The following DNAAF5 variants were observed in gnomAD, a reference collection of about 807,000 sequenced individuals.
DNAAF5 encodes the protein HEAT repeat containing 2.
Under a neutral mutation model 75.8 loss-of-function variants are expected in DNAAF5, and 64 were observed. That is an observed-to-expected ratio of 0.84 (90% CI 0.69 to 1.04). DNAAF5 has a LOEUF of 1.04. Among genes scored for constraint, DNAAF5 ranks in the 50% least tolerant of loss-of-function variants. The pLI is 0.00. For synonymous variants in DNAAF5, 657 were observed against 557.2 expected, an observed-to-expected ratio of 1.18 and a Z score of -2.52; for missense variants, 1,269 against 1,178.5, an observed-to-expected ratio of 1.08 and a Z score of -1.12.
chr7:762,072 C>G (rs1398502978), intron 7 of DNAAF5, among the ~76,000 whole-genome samples, 176 bp downstream of exon 7: 1 of 152,172 alleles, frequency 6.6e-6, no homozygotes, highest in Non-Finnish European at 1.5e-5. Context: ...AGCTCTCCAG[C>G]TGCCAGTGTA....
rs140781084 is a variant in DNAAF5 at position 759,082 on chromosome 7, C to A, written c.1470+2088C>A. 3.5e-3 allele frequency among the ~76,000 whole-genome samples: 520 copies of A among 149,484 alleles called. 6 individuals carry two copies. The highest frequency in any genetic ancestry group is 0.012 in the African/African-American group (482 of 39,824). ...CCCGTGGTTCTGTGCTCTTCCCACGCCCCTGTGCTCTTCCCGCGGCCGGCC... is the reference window on the plus strand; with the variant it reads ...CCCGTGGTTCTGTGCTCTTCCCACGACCCTGTGCTCTTCCCGCGGCCGGCC... On this transcript the variant is annotated intron_variant, in intron 6 of 12. Transcript: ENST00000297440.
chr7:775,205 G>C (rs779087135), intron 11 of DNAAF5, 43 bp downstream of exon 11: 1 of 1,585,736 alleles, frequency 6.3e-7, no homozygotes, highest in Non-Finnish European at 8.7e-7. Context: ...TATGCAGTCA[G>C]CCCTCCGTGT....
intron 4 of DNAAF5, among the ~76,000 whole-genome samples, chr7:743,565 C>CAT (rs1273640614): frequency 2.0e-5 from 3 of 151,620 alleles, no homozygotes; most frequent in African/African-American, 7.3e-5. Flanking sequence ...GGAAAGCACA[C>CAT]ATGTTTGGAA....
chr7:783,147 C>T (rs980555574), intron 12 of DNAAF5, among the ~76,000 whole-genome samples: 2 of 152,264 alleles, frequency 1.3e-5, no homozygotes, highest in Admixed American at 6.5e-5. Flanking sequence ...TTCACTTTCA[C>T]GCCGTGCTCT....
intron 2 of DNAAF5, among the ~76,000 whole-genome samples, chr7:740,568 C>T (rs982530786): frequency 1.3e-5 from 2 of 152,244 alleles, no homozygotes; most frequent in Non-Finnish European, 2.9e-5. Context: ...TGCAGGACAG[C>T]AGCATTCCTC....
intron 4 of DNAAF5, among the ~76,000 whole-genome samples, chr7:749,988 G>A (rs965308805): frequency 4.6e-5 from 7 of 152,102 alleles, no homozygotes; most frequent in Non-Finnish European, 7.3e-5. Context: ...TGTGAGCCAC[G>A]GTGCCCAGCC....
At position 754,971 on chromosome 7, in the gene DNAAF5, G is replaced by A. The variant is rs1271932586; in HGVS notation, c.1257+150G>A. 3 of 613,244 alleles carry A rather than the reference G, an allele frequency of 4.9e-6. No homozygotes were observed. The highest frequency in any genetic ancestry group is 3.0e-5 in the Admixed American group (1 of 33,510). The allele number at this position is 613,244 out of a possible 1,614,324, so 38.0% of individuals were successfully genotyped here. On this transcript the variant is annotated intron_variant, in intron 5 of 12. Coordinates refer to ENST00000297440, the MANE Select transcript of DNAAF5 (RefSeq NM_017802.4). This position sits in a 1 kb window ranked among gnomAD's most constrained non-coding sequence, Gnocchi z 4.8. ...CAGGCCCTCCCCACACCCAGCCCCT[G>A]GGAACAACTGATCTCCTTTCTGTGC...
Position 781,320 on chromosome 7 carries a change from T to G in DNAAF5, c.2431+1176T>G, listed in dbSNP as rs575689275. Among the ~76,000 whole-genome samples, 4 of 152,236 alleles carry G rather than the reference T, an allele frequency of 2.6e-5. No homozygotes were observed. The South Asian group carries it at 8.3e-4, about 31-fold the overall frequency. ...ACTTATTTCACTTAACATAGCGACC[T>G]CCACTTCCCTCCATGTTGATCCAAT... On this transcript the variant is annotated intron_variant, in intron 12 of 12. Transcript: ENST00000297440.
chr7:763,773 G>A, intron 7 of DNAAF5, 33 bp from the exon 8 acceptor site: 1 of 1,609,474 alleles, frequency 6.2e-7, no homozygotes. Flanking sequence ...CTGAGTGTTG[G>A]AATTGTCTCA....
At position 756,914 on chromosome 7, in the gene DNAAF5, C is replaced by A. The variant is rs1782503259; in HGVS notation, c.1390C>A (p.Pro464Thr). Residue 464 changes from proline to threonine, a missense_variant, in exon 6 of 13, where the codon CCC becomes ACC. Pro to Thr is a conservative substitution (Grantham distance 38). Coordinates refer to ENST00000297440, the MANE Select transcript of DNAAF5 (RefSeq NM_017802.4). ...LVLASAMRGCPREALQPHLAA... is the reference protein window; with the variant it reads ...LVLASAMRGCTREALQPHLAA... ...GCTGGCCTCCGCCATGCGGGGTTGC[C>A]CCCGAGAAGCCCTCCAGCCGCACCT... 6.2e-7 allele frequency: 1 copy of A among 1,610,984 alleles called. No individual in the cohort carries two copies. The highest frequency in any genetic ancestry group is 1.3e-5 in the African/African-American group (1 of 75,062).
intron 12 of DNAAF5, among the ~76,000 whole-genome samples, chr7:782,112 C>T (rs530709986): frequency 7.1e-4 from 108 of 152,364 alleles, no homozygotes; most frequent in South Asian, 4.6e-3. Flanking sequence ...GTCGGATCTT[C>T]CTGGTGTGGC....
intron 2 of DNAAF5, among the ~76,000 whole-genome samples, chr7:737,783 C>A (rs181753148): frequency 6.6e-6 from 1 of 152,210 alleles, no homozygotes; most frequent in African/African-American, 2.4e-5. Context: ...CGTTGCCAGG[C>A]GTACTGGAGC....
intron 4 of DNAAF5, among the ~76,000 whole-genome samples, chr7:746,763 C>G (rs943803354): frequency 6.6e-6 from 1 of 152,116 alleles, no homozygotes; most frequent in African/African-American, 2.4e-5. Context: ...GGCTGCAGCT[C>G]TGTGAGTTTT....
At chr7:743,279 G>A (rs541034377) in intron 4 of DNAAF5, among the ~76,000 whole-genome samples, 1 of 152,268 alleles carries the variant, frequency 6.6e-6, no homozygotes, top group South Asian at 2.1e-4. Flanking sequence ...AGAGGCTGAG[G>A]TGGGAGGATC....
At position 754,716 on chromosome 7, in the gene DNAAF5, A is replaced by T. The variant is rs747369783; in HGVS notation, c.1152A>T (p.Pro384=). The T allele has an allele frequency of 5.6e-6, 9 of 1,613,910 alleles. No homozygotes were observed. Among genetic ancestry groups the T allele is most frequent in the South Asian group, 1.1e-5 (1 of 91,088 alleles). Reference sequence around the variant, plus strand: ...GAGTGAAGTCGGCACAGCTGCTCCCAGTGCTGCTGCTGCATGCCGAGGACC... The same window carrying T: ...GAGTGAAGTCGGCACAGCTGCTCCCTGTGCTGCTGCTGCATGCCGAGGACC... The part of the protein sequence containing the change: ...GTRVKSAQLL[P]VLLLHAEDHA... The change falls in exon 5 of 13, where the codon CCA becomes CCT. Residue 384 remains proline, a synonymous_variant. Transcript: ENST00000297440. This position sits in a 1 kb window ranked among gnomAD's most constrained non-coding sequence, Gnocchi z 4.8.
At chr7:762,828 G>A (rs1782706870) in intron 7 of DNAAF5, among the ~76,000 whole-genome samples, 1 of 152,130 alleles carries the variant, frequency 6.6e-6, no homozygotes, top group East Asian at 1.9e-4. Flanking sequence ...TGGCCAGGTT[G>A]GTCTCAAGCT....
At chr7:782,491 GGC>G in intron 12 of DNAAF5, among the ~76,000 whole-genome samples, 1 of 140,778 alleles carries the variant, frequency 7.1e-6, no homozygotes, top group East Asian at 2.1e-4. Flanking sequence ...GGATCTTCCC[GGC>G]GTGGCCGCGT....
chr7:746,222 A>AC (rs910970143), intron 4 of DNAAF5, among the ~76,000 whole-genome samples: 1 of 130,852 alleles, frequency 7.6e-6, no homozygotes, highest in East Asian at 2.3e-4. Context: ...CCGTCCTGCC[A>AC]CCCCCCGCCT....
In DNAAF5 at chr7:761,386, G is replaced by A. The variant is rs571786325; in HGVS notation, c.1471-367G>A. 6.6e-5 allele frequency among the ~76,000 whole-genome samples: 10 copies of A among 152,302 alleles called. No individual in the cohort carries two copies. The South Asian group carries it at 2.1e-3, about 32-fold the overall frequency. ...CCCTGTATTAGTCCATTCTCATGTC[G>A]CTAATAAAGATCTACCACAGACTGG... On this transcript the variant is annotated intron_variant, in intron 6 of 12. Transcript: ENST00000297440.
Sources: allele counts gnomAD v4.1 joint callset (sites outside exome capture counted in the v4.1 genomes callset), GRCh38; gene constraint gnomAD v4.1.1; non-coding constraint Gnocchi (gnomAD v3.1); transcripts MANE v1.5; gene names NCBI Gene and HGNC (gene_info 2026-07-23, HGNC 2026-07-21).